Variants in PIBF1 observed in about 807,000 individuals in gnomAD.
The protein encoded by PIBF1 is progesterone-induced-blocking factor 1.
Under a neutral mutation model 112.5 loss-of-function variants are expected in PIBF1, and 90 were observed. The ratio of observed to expected loss-of-function variants is 0.80; its 90% confidence interval spans 0.67 to 0.95. PIBF1 has a LOEUF of 0.95. Ranked by LOEUF, PIBF1 falls within the 40% of genes least tolerant of loss-of-function variation. The pLI, the probability that PIBF1 is intolerant of heterozygous loss-of-function variation, is 0.00. For synonymous variants in PIBF1, 301 were observed against 288.6 expected, an observed-to-expected ratio of 1.04 and a Z score of -0.44; for missense variants, 915 against 852.3, an observed-to-expected ratio of 1.07 and a Z score of -0.92.
chr13:72,946,661 C>A (rs768910950), intron 14 of PIBF1, among the ~76,000 whole-genome samples: 1 of 152,196 alleles, frequency 6.6e-6, no homozygotes, highest in Non-Finnish European at 1.5e-5. Context: ...GGTAAATACA[C>A]CCATTTCAAG....
Position 72,821,846 on chromosome 13 carries a change from T to C in PIBF1, c.673-3T>C, listed in dbSNP as rs757285519. 2.5e-6 allele frequency: 4 copies of C among 1,608,528 alleles called. No individual in the cohort carries two copies. In the South Asian group the frequency reaches 4.4e-5, roughly 18 times the overall value. On this transcript the variant is annotated splice_polypyrimidine_tract_variant and splice_region_variant and intron_variant, in intron 5 of 17. Transcript: ENST00000326291. ...AATGTGTTATTATTCCTTTGGTTTA[T>C]AGACATATGAGGAAGATCGAAAAAA...
At chr13:72,796,523 A>G (rs1406303315) in intron 4 of PIBF1, among the ~76,000 whole-genome samples, 1 of 152,184 alleles carries the variant, frequency 6.6e-6, no homozygotes, top group Non-Finnish European at 1.5e-5. Context: ...CTTAGAAGAT[A>G]GTAAACACAT....
intron 5 of PIBF1, among the ~76,000 whole-genome samples, chr13:72,812,042 G>T (rs1263775751): frequency 4.6e-5 from 7 of 152,028 alleles, no homozygotes; most frequent in Admixed American, 2.0e-4. Flanking sequence ...AATTTTAGGG[G>T]CAAGTTTTGA....
chr13:72,861,300 TATATATTATGTAC>T (rs2138370277), intron 10 of PIBF1, among the ~76,000 whole-genome samples: 1 of 152,012 alleles, frequency 6.6e-6, no homozygotes, highest in African/African-American at 2.4e-5. Context: ...CATATAAGAA[TATATATTATGTAC>T]ATATATTATG....
chr13:72,972,012 AT>A (rs1484051366), intron 15 of PIBF1, among the ~76,000 whole-genome samples: 1 of 119,330 alleles, frequency 8.4e-6, no homozygotes, highest in Admixed American at 7.5e-5. Context: ...TCATTTATTT[AT>A]TTATTTATTT....
intron 10 of PIBF1, among the ~76,000 whole-genome samples, chr13:72,863,338 A>G (rs1452735454): frequency 6.6e-6 from 1 of 152,184 alleles, no homozygotes; most frequent in Non-Finnish European, 1.5e-5. Flanking sequence ...ATTAAAAAAT[A>G]AAATTTTTTC....
At chr13:72,801,388 A>T (rs1344429808) in intron 5 of PIBF1, among the ~76,000 whole-genome samples, 1 of 152,166 alleles carries the variant, frequency 6.6e-6, no homozygotes, top group African/African-American at 2.4e-5. Context: ...AGAAAAAGTT[A>T]TGTAATGAAT....
intron 3 of PIBF1, among the ~76,000 whole-genome samples, chr13:72,793,947 T>A (rs2137956547): frequency 6.6e-6 from 1 of 152,292 alleles, no homozygotes; most frequent in Middle Eastern, 3.4e-3. Context: ...GGTACAAATC[T>A]GGGGATCATT....
At chr13:72,858,485 T>G (rs2038545177) in intron 10 of PIBF1, among the ~76,000 whole-genome samples, 1 of 152,238 alleles carries the variant, frequency 6.6e-6, no homozygotes, top group South Asian at 2.1e-4. Context: ...TTAAAAGAAT[T>G]GTAATTCATG....
intron 14 of PIBF1, among the ~76,000 whole-genome samples, chr13:72,956,951 A>G (rs1223799456): frequency 1.3e-5 from 2 of 152,242 alleles, no homozygotes; most frequent in Non-Finnish European, 2.9e-5. Flanking sequence ...ATGCAAATCA[A>G]AACTGCAAAG....
In PIBF1 at chr13:72,854,125, C is replaced by G. The variant is rs2038302184; in HGVS notation, c.1292C>G (p.Ala431Gly). Residue 431 changes from alanine to glycine, a missense_variant, in exon 10 of 18, where the codon GCT becomes GGT. Coordinates refer to ENST00000326291, the MANE Select transcript of PIBF1 (RefSeq NM_006346.4). ...CGAGCAGTGATGGCTGAAAAGGATG[C>G]TTTAGAAAAACACGATCAGCTCTTA... ...KERAVMAEKD[A>G]LEKHDQLLDR... is the part of the protein sequence containing the mutation. 1 of 1,612,138 alleles carries G rather than the reference C, an allele frequency of 6.2e-7. No homozygotes were observed. Among genetic ancestry groups the G allele is most frequent in the Admixed American group, 1.7e-5 (1 of 59,996 alleles).
At chr13:72,826,916 A>G (rs1566320989) in intron 6 of PIBF1, 94 bp from the exon 7 acceptor site, 3 of 577,996 alleles carry the variant, frequency 5.2e-6, no homozygotes, top group Non-Finnish European at 8.9e-6. Context: ...TAGTGTCTCT[A>G]TTCAGCGTCC....
chr13:72,902,729 T>C (rs1046038517), intron 11 of PIBF1, among the ~76,000 whole-genome samples: 2 of 152,148 alleles, frequency 1.3e-5, no homozygotes, highest in Non-Finnish European at 2.9e-5. Context: ...AAATTGTGTA[T>C]TTTGCTGTGT....
intron 15 of PIBF1, among the ~76,000 whole-genome samples, chr13:72,971,658 TTTA>T (rs1271258738): frequency 6.6e-6 from 1 of 152,224 alleles, no homozygotes; most frequent in East Asian, 1.9e-4. Flanking sequence ...AGTTCAACAC[TTTA>T]TATAATCATT....
At position 72,851,586 on chromosome 13, in the gene PIBF1, G is replaced by A. The variant is rs140658693; in HGVS notation, c.1224-2471G>A. ...CGCCAGGTTACAGCTGGTTGATGGC[G>A]GCAGGAGGCAGGCTGGCTTCTGGGC... On this transcript the variant is annotated intron_variant, in intron 9 of 17. Transcript: ENST00000326291. Among the ~76,000 whole-genome samples the A allele has an allele frequency of 9.7e-4, 148 of 152,360 alleles. No individual in the cohort carries two copies. The East Asian group carries it at 0.015, about 16-fold the overall frequency.
At chr13:72,887,789 A>G (rs2039913874) in intron 10 of PIBF1, among the ~76,000 whole-genome samples, 1 of 151,926 alleles carries the variant, frequency 6.6e-6, no homozygotes, top group African/African-American at 2.4e-5. Context: ...CAGGATGTAC[A>G]CTTCCTTTCT....
At chr13:72,851,946 GCAGA>G (rs2038180313) in intron 9 of PIBF1, among the ~76,000 whole-genome samples, 1 of 152,174 alleles carries the variant, frequency 6.6e-6, no homozygotes. Context: ...CAAGAGCTGA[GCAGA>G]CAGTGGGATG....
At position 72,895,810 on chromosome 13, in the gene PIBF1, G is replaced by A. The variant is rs537691728; in HGVS notation, c.1488+1861G>A. Among the ~76,000 whole-genome samples the A allele has an allele frequency of 4.6e-5, 7 of 152,106 alleles. No individual in the cohort carries two copies. The South Asian group carries it at 1.3e-3, about 27-fold the overall frequency. ...AGGACCCACAGACCCTCTGAAGGAA[G>A]CGGACTGCTCCTGCAGGACCCGGAA... On this transcript the variant is annotated intron_variant, in intron 11 of 17. Coordinates refer to ENST00000326291, the MANE Select transcript of PIBF1 (RefSeq NM_006346.4).
intron 10 of PIBF1, among the ~76,000 whole-genome samples, chr13:72,875,323 C>T (rs2039350492): frequency 6.6e-6 from 1 of 152,138 alleles, no homozygotes; most frequent in African/African-American, 2.4e-5. Flanking sequence ...ATCTTGTTTG[C>T]TTCCAGGTTA....
Sources: gnomAD v4.1 joint callset for allele counts (sites outside exome capture counted in the v4.1 genomes callset) on GRCh38, gnomAD v4.1.1 for gene constraint, MANE v1.5 for transcripts, NCBI Gene and HGNC (gene_info 2026-07-23, HGNC 2026-07-21) for gene names.